The following NPL variants were observed in gnomAD, a reference collection of about 807,000 sequenced individuals.
The protein encoded by NPL is N-acetylneuraminate pyruvate lyase, also known as N-acetylneuraminate lyase.
A neutral mutation model predicts 41.1 loss-of-function variants in NPL; 32 were observed. The ratio of observed to expected loss-of-function variants is 0.78; its 90% CI spans 0.59 to 1.05. The LOEUF (loss-of-function observed/expected upper bound fraction) is 1.05, where lower values mean the gene tolerates loss of function less well. NPL is among the 50% of genes least tolerant of loss of function. The pLI is 0.00. For missense variants in NPL, 321 were observed against 378.4 expected (o/e 0.85, Z 1.26); for synonymous variants, 128 against 134.9 (o/e 0.95, Z 0.35).
chr1:182,813,699 TA>T (rs1218381717), intron 6 of NPL, among the ~76,000 whole-genome samples: 2 of 152,196 alleles, frequency 1.3e-5, no homozygotes, highest in African/African-American at 4.8e-5. Context: ...TCTCCTGGTA[TA>T]GGGGTAGTCT....
chr1:182,792,378 G>A (rs935353250), intron 2 of NPL, 92 bp downstream of exon 2: 6 of 152,220 alleles, frequency 3.9e-5, no homozygotes, highest in African/African-American at 9.7e-5. Flanking sequence ...GGAGATGGCA[G>A]GTCCCTTTGG....
chr1:182,807,720 CAAAAAAAAAA>C (rs753955697), intron 5 of NPL, among the ~76,000 whole-genome samples: 2 of 55,432 alleles, frequency 3.6e-5, no homozygotes, highest in African/African-American at 1.2e-4. Context: ...ACTAAAAATA[CAAAAAAAAAA>C]AAAAAAAAAA....
intron 3 of NPL, among the ~76,000 whole-genome samples, chr1:182,802,975 G>A (rs1228234958): frequency 6.6e-6 from 1 of 152,208 alleles, no homozygotes; most frequent in Non-Finnish European, 1.5e-5. Flanking sequence ...GAGGCAAAGT[G>A]ATGACAAAGT....
chr1:182,802,729 A>G (rs557860613), intron 3 of NPL, among the ~76,000 whole-genome samples: 1 of 152,340 alleles, frequency 6.6e-6, no homozygotes, highest in South Asian at 2.1e-4. Context: ...CAGGTTGCCT[A>G]ATACAACTTG....
intron 12 of NPL, among the ~76,000 whole-genome samples, chr1:182,827,483 A>G (rs2102572672): frequency 6.6e-6 from 1 of 152,258 alleles, no homozygotes; most frequent in East Asian, 1.9e-4. Flanking sequence ...GATTTTCTCA[A>G]TCTGTATCTC....
intron 12 of NPL, among the ~76,000 whole-genome samples, chr1:182,827,876 G>A (rs1423151825): frequency 6.6e-6 from 1 of 152,186 alleles, no homozygotes; most frequent in Non-Finnish European, 1.5e-5. Context: ...ACATTAGGTT[G>A]TAAGGTGCCC....
intron 6 of NPL, among the ~76,000 whole-genome samples, chr1:182,814,062 C>T (rs1186387896): frequency 1.3e-5 from 2 of 152,190 alleles, no homozygotes; most frequent in Non-Finnish European, 2.9e-5. Context: ...TAGTGGGGCA[C>T]GTTCTGAAAC....
chr1:182,790,720 T>C (rs1452493175), intron 1 of NPL, among the ~76,000 whole-genome samples: 2 of 152,154 alleles, frequency 1.3e-5, no homozygotes, highest in Non-Finnish European at 2.9e-5. Context: ...CTCGGCTCAC[T>C]GCAAGCTCCA....
rs1188221628 is a variant in NPL at position 182,814,830 on chromosome 1, AC to A, written c.338del (p.Pro113ArgfsTer12). 1.2e-6 allele frequency: 2 copies of A among 1,613,948 alleles called. No individual in the cohort carries two copies. The highest frequency in any genetic ancestry group is 2.7e-5 in the African/African-American group (2 of 74,910). On this transcript the variant is annotated frameshift_variant, in exon 7 of 13. Coordinates refer to ENST00000367553, the MANE Select transcript of NPL (RefSeq NM_030769.3). LOFTEE classifies it high-confidence loss of function. ...IGADGIAVIA[P>X]FFLKPWTKDI... The stretch of plus-strand genomic sequence containing the variant: ...GAGCTGATGGCATCGCTGTCATTGC[AC>A]CGTTCTTCCTCAAGCCATGGACCAA...
At chr1:182,820,956 A>G (rs1667472130) in intron 10 of NPL, among the ~76,000 whole-genome samples, 2 of 152,172 alleles carry the variant, frequency 1.3e-5, no homozygotes, top group Admixed American at 1.3e-4. Context: ...AGGCATTTTA[A>G]TTCTGTCAAC....
chr1:182,829,568 A>G lies in NPL; in HGVS notation c.*660A>G, dbSNP rs771314002. The G allele has an allele frequency of 3.3e-6, 5 of 1,537,350 alleles. No individual in the cohort carries two copies. The South Asian group carries it at 4.8e-5, about 15-fold the overall frequency. ...ATAACAAAGGAAAAAGTCTTCCCCA[A>G]AGATGAATTTAAGTCTCCACTTTTT... On this transcript the variant is annotated 3_prime_UTR_variant, in exon 13 of 13. Transcript: ENST00000367553.
Position 182,825,820 on chromosome 1 carries a change from G to A in NPL, c.778G>A (p.Gly260Ser), listed in dbSNP as rs1667616531. ...QRFINFVVKLGFGVSQTKAIM... is the reference protein window; with the variant it reads ...QRFINFVVKLSFGVSQTKAIM... ...ATTTATCAACTTTGTTGTCAAACTA[G>A]GTAAGTGCCACCCATCTTCTGCTTT... The change falls in exon 12 of 13, where the codon GGT becomes AGT. Residue 260 changes from glycine to serine, a missense_variant and splice_region_variant. Physicochemically the swap from Gly to Ser is moderately conservative, Grantham distance 56. Transcript: ENST00000367553. The A allele has an allele frequency of 6.2e-7, 1 of 1,600,922 alleles. No individual in the cohort carries two copies. Among genetic ancestry groups the A allele is most frequent in the Non-Finnish European group, 8.5e-7 (1 of 1,170,580 alleles).
intron 2 of NPL, among the ~76,000 whole-genome samples, chr1:182,794,145 C>T (rs1364102708): frequency 1.3e-5 from 2 of 152,160 alleles, no homozygotes; most frequent in Non-Finnish European, 2.9e-5. Context: ...AGACTGTCCA[C>T]GTAGTATTTT....
chr1:182,801,788 G>A (rs1045390032), intron 3 of NPL, among the ~76,000 whole-genome samples: 1 of 152,036 alleles, frequency 6.6e-6, no homozygotes, highest in Non-Finnish European at 1.5e-5. Context: ...AGTGAGCCAC[G>A]ATTACACCAC....
chr1:182,802,807 C>A (rs187042358), intron 3 of NPL, among the ~76,000 whole-genome samples: 253 of 152,294 alleles, frequency 1.7e-3, no homozygotes, highest in Non-Finnish European at 2.5e-3. Context: ...AGCATCAGAT[C>A]CTTACAAGGT....
intron 3 of NPL, among the ~76,000 whole-genome samples, chr1:182,801,192 T>G (rs1383599993): frequency 6.6e-6 from 1 of 152,198 alleles, no homozygotes; most frequent in Non-Finnish European, 1.5e-5. Flanking sequence ...CAAGAACATT[T>G]TCTGGATGAT....
intron 5 of NPL, among the ~76,000 whole-genome samples, chr1:182,806,831 G>GT (rs1667026974): frequency 6.6e-6 from 1 of 151,964 alleles, no homozygotes. Context: ...AACTAAGTTT[G>GT]TTTTTTTGTT....
chr1:182,800,435 CAAAAAAAA>C (rs1053733197), intron 3 of NPL, among the ~76,000 whole-genome samples: 33 of 51,610 alleles, frequency 6.4e-4, no homozygotes, highest in Admixed American at 1.8e-3. Flanking sequence ...GACCCTGTCT[CAAAAAAAA>C]AAAAAAAAAA....
intron 5 of NPL, among the ~76,000 whole-genome samples, chr1:182,810,833 G>A (rs1667156228): frequency 6.6e-6 from 1 of 152,116 alleles, no homozygotes; most frequent in African/African-American, 2.4e-5. Flanking sequence ...ATAGCCCTGT[G>A]AGACAGGTAA....
Sources: gnomAD v4.1 joint callset for allele counts (sites outside exome capture counted in the v4.1 genomes callset) on GRCh38, gnomAD v4.1.1 for gene constraint, MANE v1.5 for transcripts, NCBI Gene and HGNC (gene_info 2026-07-23, HGNC 2026-07-21) for gene names.